The following SPIN3 variants were observed in gnomAD, a reference collection of about 807,000 sequenced individuals.
SPIN3 encodes spindlin-3.
For synonymous variants in SPIN3, 74 were observed against 74.3 expected, an observed-to-expected ratio of 1.00 and a Z score of 0.02; for missense variants, 176 against 196.4, an observed-to-expected ratio of 0.90 and a Z score of 0.62.
Position 56,995,245 on chromosome X carries a change from C to T in SPIN3, c.-32G>A, listed in dbSNP as rs1374138371. 1 of 292,810 alleles carries T rather than the reference C, an allele frequency of 3.4e-6. No homozygotes were observed. The highest frequency in any genetic ancestry group is 5.6e-5 in the East Asian group (1 of 17,715). The allele number at this position is 292,810 out of a possible 1,213,427, so 24.1% of individuals were successfully genotyped here. ...CCAGGAGGCGCAGATTCCCCACCGTCCCGGATTGCGGGCCTCAAGTGCACA... is the reference window on the plus strand; with the variant it reads ...CCAGGAGGCGCAGATTCCCCACCGTTCCGGATTGCGGGCCTCAAGTGCACA... On this transcript the variant is annotated 5_prime_UTR_variant, in exon 1 of 2. Transcript: ENST00000374919.
chrX:56,986,938 C>G (rs920953383), downstream of SPIN3, among the ~76,000 whole-genome samples: 7 of 111,753 alleles, frequency 6.3e-5, no homozygotes, highest in Non-Finnish European at 1.3e-4. Flanking sequence ...TCAAGACCAG[C>G]CTGACCAACA....
At chrX:56,987,762 T>G (rs1924251238), downstream of SPIN3, among the ~76,000 whole-genome samples, 1 of 112,036 alleles carries the variant, frequency 8.9e-6, no homozygotes, top group Non-Finnish European at 1.9e-5. Flanking sequence ...TTAGCAGAGA[T>G]TAAAAGAGCT....
In SPIN3 at chrX:56,995,421, G is replaced by A. The variant is rs1434969897; in HGVS notation, c.-208C>T. On this transcript the variant is annotated 5_prime_UTR_variant, in exon 1 of 2. Transcript: ENST00000374919. ...CGGCGGGGCAGGCGAAGATGACCGT[G>A]GCGGCGTCCCTTGCTCTTGGCTCCT... 8.6e-6 allele frequency: 1 copy of A among 115,905 alleles called. No individual in the cohort carries two copies. The highest frequency in any genetic ancestry group is 3.2e-5 in the African/African-American group (1 of 30,963). The allele number at this position is 115,905 out of a possible 1,213,427, so 9.6% of individuals were successfully genotyped here.
chrX:56,991,983 T>C lies in SPIN3; in HGVS notation c.*2188A>G, dbSNP rs1924350662. ...TAAAAATGCCTTAGTTTGAACTATA[T>C]GACCTCACCCCCACCCCATCAACTA... On this transcript the variant is annotated 3_prime_UTR_variant, in exon 2 of 2. Coordinates refer to ENST00000374919, the MANE Select transcript of SPIN3 (RefSeq NM_001010862.3). The C allele has an allele frequency of 6.8e-6, 2 of 295,024 alleles. No individual in the cohort carries two copies. Among genetic ancestry groups the C allele is most frequent in the East Asian group, 4.8e-5 (1 of 20,979 alleles). 24.3% of individuals were successfully genotyped at this position (295,024 alleles called of 1,213,427 possible).
At chrX:56,985,831 A>C (rs768651672), downstream of SPIN3, among the ~76,000 whole-genome samples, 53 of 111,877 alleles carry the variant, frequency 4.7e-4, no homozygotes, top group South Asian at 7.2e-3. Context: ...TGAACATGCC[A>C]AAAACACACT....
At chrX:56,975,394 C>G (rs963679635), downstream of SPIN3, 1 of 111,674 alleles carries the variant, frequency 9.0e-6, no homozygotes, top group Non-Finnish European at 1.9e-5. Flanking sequence ...AATGCGATGT[C>G]TGGGTTATAG....
chrX:56,976,188 A>G (rs1293078529), downstream of SPIN3: 1 of 111,763 alleles, frequency 8.9e-6, no homozygotes, highest in Non-Finnish European at 1.9e-5. Flanking sequence ...ATAAGTATGG[A>G]GCGGGTCCTT....
At chrX:56,980,252 A>T (rs1924086298) in intron 3 of SPIN3, 1 of 111,626 alleles carries the variant, frequency 9.0e-6, no homozygotes, top group Admixed American at 9.7e-5. Context: ...AAAACAAACA[A>T]ACAAACAAAC....
At chrX:56,995,016 G>A in intron 1 of SPIN3, 67 bp from the exon 2 acceptor site, 2 of 1,055,500 alleles carry the variant, frequency 1.9e-6, no homozygotes, top group Non-Finnish European at 2.5e-6. Context: ...TGCATAACAC[G>A]GAGAGCTTTT....
At chrX:56,977,354 A>C (rs1021391135) in intron 5 of SPIN3, 21 of 112,191 alleles carry the variant, frequency 1.9e-4, no homozygotes, top group African/African-American at 5.5e-4. Context: ...GATTTGCTAA[A>C]TAAATTATGC....
downstream of SPIN3, among the ~76,000 whole-genome samples, chrX:56,989,645 T>C (rs1348388103): frequency 9.0e-6 from 1 of 111,443 alleles, no homozygotes. Context: ...ATCACTTGCA[T>C]TACCACCTGA....
rs752605297 is a variant in SPIN3 at position 56,994,116 on chromosome X, T to C, written c.*55A>G. 2.0e-5 allele frequency: 22 copies of C among 1,075,638 alleles called. No homozygotes were observed. The East Asian group carries it at 5.9e-4, about 29-fold the overall frequency. The allele number at this position is 1,075,638 out of a possible 1,213,427, so 88.6% of individuals were successfully genotyped here. ...TTACAAACTGGAAAGCAATCAAGAC[T>C]TTCTGTGTCTACAGATTTAGAGTCT... On this transcript the variant is annotated 3_prime_UTR_variant, in exon 2 of 2. Coordinates refer to ENST00000374919, the MANE Select transcript of SPIN3 (RefSeq NM_001010862.3).
intron 2 of SPIN3, among the ~76,000 whole-genome samples, chrX:56,985,226 A>AT (rs766587942): frequency 9.5e-4 from 106 of 111,964 alleles, no homozygotes; most frequent in Middle Eastern, 9.1e-3. Context: ...CAGCAGAGAG[A>AT]TTTTTTTAGA....
At chrX:56,987,323 C>CT (rs371998580), downstream of SPIN3, among the ~76,000 whole-genome samples, 723 of 104,058 alleles carry the variant, frequency 6.9e-3, 5 homozygotes, top group African/African-American at 0.021. Flanking sequence ...AGCCTTTCAA[C>CT]TTTTTTTTTT....
intron 5 of SPIN3, chrX:56,977,314 T>C (rs1481717308): frequency 8.9e-6 from 1 of 112,075 alleles, no homozygotes; most frequent in East Asian, 2.8e-4. Flanking sequence ...TAACCACATT[T>C]TGGAAACTGT....
chrX:56,994,335 C>G lies in SPIN3; in HGVS notation c.613G>C (p.Val205Leu). 5 of 1,211,859 alleles carry G rather than the reference C, an allele frequency of 4.1e-6. No homozygotes were observed. The highest frequency in any genetic ancestry group is 5.6e-6 in the Non-Finnish European group (5 of 895,573). Residue 205 changes from valine (V) to leucine (L), a missense_variant, in exon 2 of 2, where the codon GTC becomes CTC. Transcript: ENST00000374919. ...TGTTTGCCTACCAGGCTGTCTATGACTTCTCCTGGCTCCCTCTCTGCCAGA... is the reference window on the plus strand; with the variant it reads ...TGTTTGCCTACCAGGCTGTCTATGAGTTCTCCTGGCTCCCTCTCTGCCAGA... ...SPLAEREPGEVIDSLVGKQVE... is the reference protein window; with the variant it reads ...SPLAEREPGELIDSLVGKQVE...
intron 2 of SPIN3, among the ~76,000 whole-genome samples, chrX:56,985,687 C>T (rs191008150): frequency 8.9e-6 from 1 of 112,371 alleles, no homozygotes; most frequent in Non-Finnish European, 1.9e-5. Context: ...ACAGGCTCCC[C>T]ATTTCATGCA....
chrX:56,990,228 A>G (rs1340353633), downstream of SPIN3, among the ~76,000 whole-genome samples: 3 of 111,905 alleles, frequency 2.7e-5, no homozygotes, highest in Non-Finnish European at 5.6e-5. Flanking sequence ...TTTTGCTACC[A>G]TAAGAAAAAA....
At chrX:56,988,900 C>T (rs1267309254), downstream of SPIN3, among the ~76,000 whole-genome samples, 3 of 111,580 alleles carry the variant, frequency 2.7e-5, no homozygotes, top group African/African-American at 9.8e-5. Flanking sequence ...CAAGAAGTGG[C>T]GTAGAATGCC....
Sources: gnomAD v4.1 joint callset for allele counts (sites outside exome capture counted in the v4.1 genomes callset) on GRCh38, gnomAD v4.1.1 for gene constraint, MANE v1.5 for transcripts, NCBI Gene and HGNC (gene_info 2026-07-23, HGNC 2026-07-21) for gene names.